Variants in ADAMTS17 observed in about 807,000 individuals in gnomAD.
ADAMTS17 encodes the protein ADAM metallopeptidase with thrombospondin type 1 motif 17.
In ADAMTS17, 113 loss-of-function variants were observed where a neutral mutation model predicts 141.5. The observed-to-expected ratio is 0.80, with a 90% CI of 0.69 to 0.93. The LOEUF is 0.93. ADAMTS17 is among the 40% of genes least tolerant of loss of function. The pLI, the probability that ADAMTS17 is intolerant of heterozygous loss-of-function variation, is 0.00. For synonymous variants in ADAMTS17, 768 were observed against 630.6 expected (o/e 1.22, Z -3.27); for missense variants, 1,659 against 1,517.9 (o/e 1.09, Z -1.54).
At chr15:100,035,041 G>C (rs971385886) in intron 18 of ADAMTS17, among the ~76,000 whole-genome samples, 1 of 152,192 alleles carries the variant, frequency 6.6e-6, no homozygotes, top group African/African-American at 2.4e-5. Flanking sequence ...GGGGACCTAA[G>C]ATTAATGTCA....
chr15:99,982,393 G>A (rs906871680), intron 20 of ADAMTS17, among the ~76,000 whole-genome samples: 10 of 152,136 alleles, frequency 6.6e-5, no homozygotes, highest in Non-Finnish European at 1.3e-4. Flanking sequence ...CCAGACCTCA[G>A]GGAGCACAAT....
intron 7 of ADAMTS17, among the ~76,000 whole-genome samples, chr15:100,242,074 G>A (rs549220432): frequency 6.6e-6 from 1 of 152,208 alleles, no homozygotes; most frequent in Admixed American, 6.5e-5. Context: ...TCAAATTAAC[G>A]AACTCACAAA....
chr15:100,341,298 C>A lies in ADAMTS17; in HGVS notation c.191G>T (p.Arg64Leu), dbSNP rs1274498477. The A allele has an allele frequency of 9.2e-7, 1 of 1,084,596 alleles. No individual in the cohort carries two copies. Among genetic ancestry groups the A allele is most frequent in the Non-Finnish European group, 1.1e-6 (1 of 897,250 alleles). 67.2% of individuals were successfully genotyped at this position (1,084,596 alleles called of 1,614,324 possible). The change falls in exon 2 of 22, where the codon CGC (arginine) becomes CTC (leucine). Residue 64 changes from arginine to leucine, a missense_variant. Physicochemically the swap from Arg to Leu is moderately radical, Grantham distance 102. Coordinates refer to ENST00000268070, the MANE Select transcript of ADAMTS17 (RefSeq NM_139057.4). ...PAAPGPRRRRRPRTPPAAPRA... is the reference protein window; with the variant it reads ...PAAPGPRRRRLPRTPPAAPRA... ...CGGGGCGGCTGGGGGCGTGCGGGGGCGTCGCCGCCGTCGGGGCCCGGGGGC... is the reference window on the plus strand; with the variant it reads ...CGGGGCGGCTGGGGGCGTGCGGGGGAGTCGCCGCCGTCGGGGCCCGGGGGC...
intron 18 of ADAMTS17, among the ~76,000 whole-genome samples, chr15:100,017,375 G>A (rs2061311548): frequency 6.6e-6 from 1 of 152,148 alleles, no homozygotes; most frequent in South Asian, 2.1e-4. Context: ...CCCAAGTTCT[G>A]GCCAGGAGGC....
At chr15:100,273,816 A>G (rs1042383525) in intron 4 of ADAMTS17, among the ~76,000 whole-genome samples, 1 of 152,222 alleles carries the variant, frequency 6.6e-6, no homozygotes, top group Non-Finnish European at 1.5e-5. Context: ...TTACCGCTAT[A>G]CATGCTATAC....
In ADAMTS17 at chr15:100,155,269, G is replaced by T; in HGVS notation, c.1233C>A (p.His411Gln). The T allele has an allele frequency of 6.2e-7, 1 of 1,614,208 alleles. No individual in the cohort carries two copies. Among genetic ancestry groups the T allele is most frequent in the Non-Finnish European group, 8.5e-7 (1 of 1,180,038 alleles). Residue 411 changes from histidine (H) to glutamine (Q), a missense_variant, in exon 9 of 22, where the codon CAC becomes CAA. Physicochemically the swap from His to Gln is conservative, Grantham distance 24. Coordinates refer to ENST00000268070, the MANE Select transcript of ADAMTS17 (RefSeq NM_139057.4). ...DDHSSCAGRSHIMSGEWVKGR... is the reference protein window; with the variant it reads ...DDHSSCAGRSQIMSGEWVKGR... The stretch of plus-strand genomic sequence containing the variant: ...CTTTCACCCACTCTCCTGACATGAT[G>T]TGGGACCTGCCAGCGCAAGATGAGT...
chr15:99,986,972 G>A (rs2727221), intron 20 of ADAMTS17, among the ~76,000 whole-genome samples: 15,572 of 152,220 alleles, frequency 0.1, 2,487 homozygotes, highest in African/African-American at 0.34. Context: ...CCTCATACAC[G>A]ACCCTGGTTA....
chr15:100,304,868 T>A (rs1208812627), intron 3 of ADAMTS17, among the ~76,000 whole-genome samples: 1 of 152,210 alleles, frequency 6.6e-6, no homozygotes, highest in Non-Finnish European at 1.5e-5. Flanking sequence ...TTCCACCTAC[T>A]CAGCATGAAG....
intron 4 of ADAMTS17, among the ~76,000 whole-genome samples, chr15:100,275,687 A>C (rs1401048305): frequency 6.6e-6 from 1 of 152,094 alleles, no homozygotes; most frequent in East Asian, 2.0e-4. Context: ...GGGAATGACG[A>C]AATCCACCAG....
intron 18 of ADAMTS17, among the ~76,000 whole-genome samples, chr15:100,017,229 C>A: frequency 6.6e-6 from 1 of 152,198 alleles, no homozygotes. Flanking sequence ...CCCTCAACAG[C>A]CCCGAGTCTG....
At chr15:100,102,288 G>T (rs1170311734) in intron 14 of ADAMTS17, among the ~76,000 whole-genome samples, 2 of 150,358 alleles carry the variant, frequency 1.3e-5, no homozygotes, top group Non-Finnish European at 3.0e-5. Flanking sequence ...GACCGAAGGA[G>T]ATCTACATTT....
chr15:100,255,497 A>C (rs145162873), intron 6 of ADAMTS17, among the ~76,000 whole-genome samples: 39 of 152,298 alleles, frequency 2.6e-4, no homozygotes, highest in African/African-American at 8.9e-4. Flanking sequence ...TAGGCGATAG[A>C]AGCAGCACTG....
intron 8 of ADAMTS17, among the ~76,000 whole-genome samples, chr15:100,197,752 T>A (rs2041175002): frequency 6.6e-6 from 1 of 151,970 alleles, no homozygotes; most frequent in Admixed American, 6.6e-5. Flanking sequence ...ATACAATAGG[T>A]ACGGAAAGGC....
rs557212110 is a variant in ADAMTS17 at position 100,060,046 on chromosome 15, C to A, written c.2138-5992G>T. On this transcript the variant is annotated intron_variant, in intron 15 of 21. Transcript: ENST00000268070. ...TGGACCCAGAAAGCACTCCATGGGG[C>A]AATTAAAATGATTACGAATGCTTTG... Among the ~76,000 whole-genome samples, 19 of 152,268 alleles carry A rather than the reference C, an allele frequency of 1.2e-4. No homozygotes were observed. In the South Asian group the frequency reaches 3.9e-3, roughly 32 times the overall value.
intron 3 of ADAMTS17, among the ~76,000 whole-genome samples, chr15:100,291,424 T>C (rs181780464): frequency 1.3e-5 from 2 of 152,338 alleles, no homozygotes; most frequent in East Asian, 3.9e-4. Context: ...TTTCAGCTAC[T>C]ATGAAAATAA....
In ADAMTS17 at chr15:99,989,430, A is replaced by G. The variant is rs115697343; in HGVS notation, c.2949+3618T>C. ...CCGCTAGGACCCTTCCAATTCCCTG[A>G]TGACAATGACAGCTTTATTCCAGTT... On this transcript the variant is annotated intron_variant, in intron 20 of 21. Transcript: ENST00000268070. Among the ~76,000 whole-genome samples the G allele has an allele frequency of 7.5e-3, 1,148 of 152,308 alleles. 8 individuals are homozygous for G. Among genetic ancestry groups the G allele is most frequent in the African/African-American group, 0.026 (1,091 of 41,568 alleles).
rs113455408 is a variant in ADAMTS17 at position 100,016,433 on chromosome 15, A to G, written c.2592-18844T>C. Among the ~76,000 whole-genome samples, 5 of 152,312 alleles carry G rather than the reference A, an allele frequency of 3.3e-5. 1 individual carries two copies. Among genetic ancestry groups the G allele is most frequent in the African/African-American group, 1.2e-4 (5 of 41,542 alleles). On this transcript the variant is annotated intron_variant, in intron 18 of 21. Coordinates refer to ENST00000268070, the MANE Select transcript of ADAMTS17 (RefSeq NM_139057.4). ...AGTGTGAGTTTTTTGGGGGTACTAA[A>G]GAGACTTGTTTTGTCATATTACCAG... is the stretch of plus-strand genomic sequence containing the variant.
At chr15:100,068,976 T>A (rs962193275) in intron 15 of ADAMTS17, among the ~76,000 whole-genome samples, 9 of 152,116 alleles carry the variant, frequency 5.9e-5, no homozygotes, top group African/African-American at 1.7e-4. Flanking sequence ...ACCTATGGCA[T>A]AGAAGTTAAA....
intron 7 of ADAMTS17, among the ~76,000 whole-genome samples, chr15:100,209,050 T>C (rs1014076557): frequency 1.4e-5 from 2 of 139,162 alleles, no homozygotes; most frequent in Admixed American, 8.2e-5. Context: ...CTCCCTCTTA[T>C]AGCCGTATTT....
Sources: allele counts gnomAD v4.1 joint callset (sites outside exome capture counted in the v4.1 genomes callset), GRCh38; gene constraint gnomAD v4.1.1; transcripts MANE v1.5; gene names NCBI Gene and HGNC (gene_info 2026-07-23, HGNC 2026-07-21).